CDK2: variants seen among roughly 807,000 people sequenced by gnomAD.
CDK2 encodes the protein cyclin dependent kinase 2.
CDK2 carries 8 observed loss-of-function variants against 35.0 expected under a neutral mutation model. The ratio of observed to expected loss-of-function variants is 0.23; its 90% CI spans 0.13 to 0.41. CDK2 has a LOEUF of 0.41. Among genes scored for constraint, CDK2 ranks in the 10% least tolerant of loss-of-function variants. CDK2 has a pLI of 1.00. For synonymous variants in CDK2, 134 were observed against 137.7 expected (o/e 0.97, Z 0.19); for missense variants, 201 against 367.1 (o/e 0.55, Z 3.70).
intron 1 of CDK2, chr12:55,967,553 G>C (rs1345187463): frequency 4.2e-6 from 2 of 472,994 alleles, no homozygotes; most frequent in Non-Finnish European, 3.8e-6. Flanking sequence ...GAACCTCACT[G>C]GCCCCTCTGG....
Position 55,967,020 on chromosome 12 carries a change from C to G in CDK2, c.12C>G (p.Phe4Leu). The G allele has an allele frequency of 6.2e-7, 1 of 1,612,856 alleles. No homozygotes were observed. The highest frequency in any genetic ancestry group is 8.5e-7 in the Non-Finnish European group (1 of 1,179,546). Residue 4 changes from phenylalanine (F) to leucine (L), a missense_variant, in exon 1 of 7, where the codon TTC becomes TTG. Phe to Leu is a conservative substitution (Grantham distance 22). Around this residue, in one of 5 missense-constraint regions of CDK2, gnomAD observed 37 missense variants for 108.4 expected, o/e 0.34. Transcript: ENST00000266970. The stretch of plus-strand genomic sequence containing the variant: ...CTCGCTGGCGCTTCATGGAGAACTT[C>G]CAAAAGGTGGAAAAGATCGGAGAGG... MENFQKVEKIGEGT... is the reference protein window; with the variant it reads MENLQKVEKIGEGT...
At chr12:55,970,790 T>C in intron 5 of CDK2, 1 of 698,136 alleles carries the variant, frequency 1.4e-6, no homozygotes, top group South Asian at 1.5e-5. Flanking sequence ...ACCCCAGACA[T>C]TCACCCCCTC....
chr12:55,969,824 T>C, intron 5 of CDK2: 1 of 327,764 alleles, frequency 3.1e-6, no homozygotes, highest in East Asian at 4.8e-5. Context: ...GTTAAAGCAT[T>C]TCTGCAGCTG....
chr12:55,967,462 A>C, intron 1 of CDK2: 2 of 407,556 alleles, frequency 4.9e-6, no homozygotes, highest in Non-Finnish European at 4.5e-6. Flanking sequence ...ACCGGCGAGA[A>C]TCGCCTTTCT....
At chr12:55,969,606 C>A in intron 5 of CDK2, 30 bp downstream of exon 5, 2 of 1,296,328 alleles carry the variant, frequency 1.5e-6, no homozygotes, top group Non-Finnish European at 2.2e-6. Context: ...TTCCACCCAG[C>A]CCCCTCCCTC....
intron 5 of CDK2, 45 bp downstream of exon 5, chr12:55,969,621 C>A: frequency 1.8e-6 from 2 of 1,105,176 alleles, no homozygotes; most frequent in Non-Finnish European, 2.7e-6. Flanking sequence ...TCCCTCTCCT[C>A]CCCACATCCA....
At position 55,971,590 on chromosome 12, in the gene CDK2, G is replaced by C. The variant is rs756964484; in HGVS notation, c.862G>C (p.Asp288His). The change falls in exon 7 of 7, where the codon GAT becomes CAT. Residue 288 changes from aspartate (D) to histidine (H), a missense_variant. Physicochemically the swap from Asp to His is moderately conservative, Grantham distance 81. This residue lies in a region of CDK2 where 106 missense variants were observed against 141.3 expected (regional missense o/e 0.75). Coordinates refer to ENST00000266970, the MANE Select transcript of CDK2 (RefSeq NM_001798.5). ...KAALAHPFFQDVTKPVPHLRL is the reference protein window; with the variant it reads ...KAALAHPFFQHVTKPVPHLRL ...AGCCCTGGCTCACCCTTTCTTCCAG[G>C]ATGTGACCAAGCCAGTACCCCATCT... The C allele has an allele frequency of 5.6e-5, 91 of 1,614,002 alleles. No homozygotes were observed. The highest frequency in any genetic ancestry group is 7.6e-5 in the Non-Finnish European group (90 of 1,180,004).
At chr12:55,967,659 G>A (rs761209243) in intron 1 of CDK2, 198 bp from the exon 2 acceptor site, 3 of 582,016 alleles carry the variant, frequency 5.2e-6, no homozygotes, top group Non-Finnish European at 9.2e-6. Flanking sequence ...CCTGGGAAAA[G>A]AGGAGATAAT....
At chr12:55,971,417 T>C (rs560961960) in intron 6 of CDK2, 104 bp from the exon 7 acceptor site, 2 of 1,119,312 alleles carry the variant, frequency 1.8e-6, no homozygotes, top group Non-Finnish European at 2.7e-6. Context: ...GTGAGAATTC[T>C]GCCTTGGGTA....
intron 5 of CDK2, 71 bp downstream of exon 5, chr12:55,969,647 C>A: frequency 1.2e-6 from 1 of 822,518 alleles, no homozygotes; most frequent in Non-Finnish European, 2.0e-6. Context: ...AACAGAACTG[C>A]TTCTTGGCCC....
chr12:55,967,251 A>G (rs1203696702), intron 1 of CDK2, 127 bp downstream of exon 1: 2 of 702,830 alleles, frequency 2.8e-6, no homozygotes, highest in African/African-American at 1.8e-5. Flanking sequence ...AGAAGTGGAG[A>G]GGTGGGTTGG....
intron 4 of CDK2, among the ~76,000 whole-genome samples, chr12:55,969,217 A>G (rs1214306595): frequency 1.3e-5 from 2 of 152,084 alleles, no homozygotes; most frequent in Non-Finnish European, 2.9e-5. Flanking sequence ...GCGAGACCCC[A>G]TCTCTACAAA....
In CDK2 at chr12:55,966,987, T is replaced by C. The variant is rs1201421278; in HGVS notation, c.-22T>C. ...CCAGGCCCCCGCTCCAGGGCCGGGC[T>C]GACCCGACTCGCTGGCGCTTCATGG... On this transcript the variant is annotated 5_prime_UTR_variant, in exon 1 of 7. Transcript: ENST00000266970. The C allele has an allele frequency of 6.3e-7, 1 of 1,586,356 alleles. No individual in the cohort carries two copies.
rs1889482512 is a variant in CDK2 at position 55,971,727 on chromosome 12, C to T, written c.*102C>T. The T allele has an allele frequency of 1.2e-6, 1 of 820,402 alleles. No homozygotes were observed. The highest frequency in any genetic ancestry group is 2.1e-5 in the Admixed American group (1 of 46,796). The allele number at this position is 820,402 out of a possible 1,614,324, so 50.8% of individuals were successfully genotyped here. On this transcript the variant is annotated 3_prime_UTR_variant, in exon 7 of 7. Transcript: ENST00000266970. Reference sequence around the variant, plus strand: ...TTTGGACTCAGGTGGGCCCTCTGAACTTGCCTTAAACACTCACCTTCTAGT... The same window carrying T: ...TTTGGACTCAGGTGGGCCCTCTGAATTTGCCTTAAACACTCACCTTCTAGT...
chr12:55,968,798 C>G lies in CDK2; in HGVS notation c.336C>G (p.Leu112=). The G allele has an allele frequency of 1.2e-6, 2 of 1,603,978 alleles. No homozygotes were observed. The highest frequency in any genetic ancestry group is 1.7e-6 in the Non-Finnish European group (2 of 1,175,996). ...GTCAGAGCTATCTGTTCCAGCTGCT[C>G]CAGGGCCTAGCTTTCTGCCATTCTC... ...PLIKSYLFQL[L]QGLAFCHSHR... is the part of the protein sequence containing the mutation. Residue 112 remains leucine, a synonymous_variant, in exon 4 of 7, where the codon CTC becomes CTG. Coordinates refer to ENST00000266970, the MANE Select transcript of CDK2 (RefSeq NM_001798.5).
intron 4 of CDK2, 54 bp downstream of exon 4, chr12:55,969,002 G>A: frequency 7.5e-7 from 1 of 1,335,204 alleles, no homozygotes; most frequent in Non-Finnish European, 1.0e-6. Flanking sequence ...GTTAACTAGG[G>A]TATTCACAAA....
intron 4 of CDK2, 100 bp downstream of exon 4, chr12:55,969,048 G>C: frequency 1.1e-6 from 1 of 896,866 alleles, no homozygotes; most frequent in South Asian, 1.9e-5. Context: ...TTTCTTACTA[G>C]GTAGAAATAA....
rs529171773 is a variant in CDK2, at chr12:55,970,671, C to T, written c.589-373C>T. 41 of 702,284 alleles carry T rather than the reference C, an allele frequency of 5.8e-5. 2 individuals carry two copies. Among genetic ancestry groups the T allele is most frequent in the South Asian group, 4.1e-4 (28 of 67,582 alleles). The allele number at this position is 702,284 out of a possible 1,614,324, so 43.5% of individuals were successfully genotyped here. On this transcript the variant is annotated intron_variant, in intron 5 of 6. Transcript: ENST00000266970. ...AGAAATGGAAGACAGAGTCTCTGCC[C>T]GCTGTGCTCGTATCTAGAAGTGGCT...
At chr12:55,969,656 C>A in intron 5 of CDK2, 80 bp downstream of exon 5, 1 of 746,714 alleles carries the variant, frequency 1.3e-6, no homozygotes, top group South Asian at 1.8e-5. Flanking sequence ...GCTTCTTGGC[C>A]CAGACCTATG....
Sources: gnomAD v4.1 joint callset for allele counts (sites outside exome capture counted in the v4.1 genomes callset) on GRCh38, gnomAD v4.1.1 for gene constraint, gnomAD v4.1.1 regional missense constraint, MANE v1.5 for transcripts, NCBI Gene and HGNC (gene_info 2026-07-23, HGNC 2026-07-21) for gene names.